The following DYNC2H1 variants were observed in gnomAD, a reference collection of about 807,000 sequenced individuals.
DYNC2H1 encodes cytoplasmic dynein 2 heavy chain 1.
Under a neutral mutation model 570.0 loss-of-function variants are expected in DYNC2H1, and 410 were observed. The ratio of observed to expected loss-of-function variants is 0.72; its 90% CI spans 0.66 to 0.78. The LOEUF is 0.78. Ranked by LOEUF, DYNC2H1 falls within the 30% of genes least tolerant of loss-of-function variation. DYNC2H1 has a pLI of 0.00. For missense variants in DYNC2H1, 4,865 were observed against 5,046.4 expected (o/e 0.96, Z 1.09); for synonymous variants, 1,688 against 1,677.6 (o/e 1.01, Z -0.15).
intron 83 of DYNC2H1, among the ~76,000 whole-genome samples, chr11:103,382,804 T>TA (rs1448390657): frequency 6.6e-6 from 1 of 152,214 alleles, no homozygotes; most frequent in South Asian, 2.1e-4. Flanking sequence ...CTTTTGATAA[T>TA]AAAAATTATG....
chr11:103,303,320 C>T, intron 76 of DYNC2H1, 67 bp downstream of exon 76: 2 of 1,522,474 alleles, frequency 1.3e-6, no homozygotes, highest in Non-Finnish European at 1.8e-6. Flanking sequence ...TGATATTGGT[C>T]AAATGGACAT....
intron 80 of DYNC2H1, among the ~76,000 whole-genome samples, chr11:103,318,254 A>G (rs989295166): frequency 2.0e-5 from 3 of 152,192 alleles, no homozygotes; most frequent in Non-Finnish European, 2.9e-5. Flanking sequence ...ACAGAACATT[A>G]TAAGTACCAC....
intron 75 of DYNC2H1, among the ~76,000 whole-genome samples, chr11:103,296,299 T>C (rs1457311847): frequency 6.6e-6 from 1 of 152,204 alleles, no homozygotes; most frequent in Non-Finnish European, 1.5e-5. Flanking sequence ...CCTTCTTAAC[T>C]GTTGAGTCTA....
intron 85 of DYNC2H1, among the ~76,000 whole-genome samples, chr11:103,445,156 A>G (rs1248271184): frequency 3.3e-5 from 5 of 152,354 alleles, no homozygotes; most frequent in African/African-American, 1.2e-4. Flanking sequence ...GCTTTCAAAT[A>G]TCTTGATGGA....
intron 20 of DYNC2H1, among the ~76,000 whole-genome samples, chr11:103,150,306 T>C (rs1177097537): frequency 5.9e-5 from 9 of 151,742 alleles, no homozygotes; most frequent in African/African-American, 2.2e-4. Context: ...AGGGAGACAA[T>C]AGTGGTGGAC....
intron 84 of DYNC2H1, among the ~76,000 whole-genome samples, chr11:103,409,085 A>T (rs1942982538): frequency 6.6e-6 from 1 of 152,042 alleles, no homozygotes; most frequent in Admixed American, 6.6e-5. Context: ...GCTGTTGAAC[A>T]TATGTCACTG....
chr11:103,156,703 C>T lies in DYNC2H1; in HGVS notation c.4060C>T (p.Pro1354Ser). ...TCAGAGAAAGTGGGTGTATTTGGAACCCATTTTCGGCCGTGGAGCATTGCC... is the reference window on the plus strand; with the variant it reads ...TCAGAGAAAGTGGGTGTATTTGGAATCCATTTTCGGCCGTGGAGCATTGCC... ...HIQRKWVYLEPIFGRGALPKE... is the reference protein window; with the variant it reads ...HIQRKWVYLESIFGRGALPKE... Residue 1354 changes from proline to serine, a missense_variant, in exon 26 of 89, where the codon CCC becomes TCC. This residue lies in a region of DYNC2H1 where 1,936 missense variants were observed against 1,962.1 expected (regional missense o/e 0.99). Transcript: ENST00000375735. The T allele has an allele frequency of 6.2e-7, 1 of 1,613,290 alleles. No individual in the cohort carries two copies. Among genetic ancestry groups the T allele is most frequent in the East Asian group, 2.2e-5 (1 of 44,856 alleles).
chr11:103,421,007 G>A (rs1943468439), intron 84 of DYNC2H1, among the ~76,000 whole-genome samples: 1 of 152,098 alleles, frequency 6.6e-6, no homozygotes, highest in African/African-American at 2.4e-5. Flanking sequence ...GACACACATA[G>A]GCTCAAAATA....
chr11:103,411,073 C>T (rs775701894), intron 84 of DYNC2H1, among the ~76,000 whole-genome samples: 25 of 151,940 alleles, frequency 1.6e-4, no homozygotes, highest in Non-Finnish European at 2.6e-4. Flanking sequence ...TTGTGCAAAC[C>T]CATCTAGACA....
Position 103,268,951 on chromosome 11 carries a change from T to G in DYNC2H1, c.10695+8974T>G, listed in dbSNP as rs879856748. ...TGTAATTTGGGAAGGATAAAATGAT[T>G]TAATATATTAGTGGACTATAGTGAC... On this transcript the variant is annotated intron_variant, in intron 70 of 88. Coordinates refer to ENST00000375735, the MANE Select transcript of DYNC2H1 (RefSeq NM_001377.3). This position sits in a 1 kb window ranked among gnomAD's most constrained non-coding sequence, Gnocchi z 4.6. Among the ~76,000 whole-genome samples, 5 of 152,082 alleles carry G rather than the reference T, an allele frequency of 3.3e-5. No individual in the cohort carries two copies. Among genetic ancestry groups the G allele is most frequent in the Non-Finnish European group, 5.9e-5 (4 of 67,940 alleles).
chr11:103,197,894 G>A (rs780390966), intron 47 of DYNC2H1, 39 bp from the exon 48 acceptor site: 3 of 1,548,846 alleles, frequency 1.9e-6, no homozygotes, highest in South Asian at 2.4e-5. Flanking sequence ...CTCATTACGA[G>A]TAATGCATAT....
chr11:103,168,190 G>A (rs1377364952), intron 31 of DYNC2H1, among the ~76,000 whole-genome samples: 1 of 152,104 alleles, frequency 6.6e-6, no homozygotes, highest in Non-Finnish European at 1.5e-5. Context: ...GGGACTTCTG[G>A]GTCCCAGCTG....
intron 75 of DYNC2H1, among the ~76,000 whole-genome samples, chr11:103,301,355 A>G (rs529102069): frequency 1.7e-4 from 26 of 152,056 alleles, no homozygotes; most frequent in African/African-American, 6.3e-4. Flanking sequence ...ATTACTGATC[A>G]AGGCCATGTA....
At chr11:103,269,414 G>A (rs374639041) in intron 70 of DYNC2H1, among the ~76,000 whole-genome samples, 5 of 152,260 alleles carry the variant, frequency 3.3e-5, no homozygotes, top group African/African-American at 4.8e-5. Flanking sequence ...AGCAGTCAGC[G>A]TAACATTAAA....
rs1308236760 is a variant in DYNC2H1, at chr11:103,188,644, A to G, written c.7288A>G (p.Ile2430Val). ...TACTTCCATCGTTCGTCTTTGTTCT[A>G]TAGAGTATGTATCTTTGTGTTTCAG... ...RFTSIVRLCS[I>V]DYPEREQLQT... Residue 2430 changes from isoleucine to valine, a missense_variant, in exon 44 of 89, where the codon ATA becomes GTA. Physicochemically the swap from Ile to Val is conservative, Grantham distance 29 (BLOSUM62 3). Coordinates refer to ENST00000375735, the MANE Select transcript of DYNC2H1 (RefSeq NM_001377.3). 3 of 1,595,360 alleles carry G rather than the reference A, an allele frequency of 1.9e-6. No homozygotes were observed. The highest frequency in any genetic ancestry group is 1.3e-5 in the African/African-American group (1 of 74,600).
chr11:103,329,668 G>A (rs1591586677), intron 82 of DYNC2H1, among the ~76,000 whole-genome samples: 1 of 150,224 alleles, frequency 6.7e-6, no homozygotes, highest in East Asian at 2.0e-4. Context: ...GTTATTCAAG[G>A]GTAGAGCATG....
rs777201237 is a variant in DYNC2H1 at position 103,143,410 on chromosome 11, T to C, written c.2702+15T>C. 6.3e-7 allele frequency: 1 copy of C among 1,599,218 alleles called. No homozygotes were observed. The highest frequency in any genetic ancestry group is 1.1e-5 in the South Asian group (1 of 87,836). On this transcript the variant is annotated intron_variant, in intron 18 of 88. Coordinates refer to ENST00000375735, the MANE Select transcript of DYNC2H1 (RefSeq NM_001377.3). Reference sequence around the variant, plus strand: ...CGACTTCCAAGGTATTGGAGGTTAATGTAGTACTTACGTACCATAATAATT... The same window carrying C: ...CGACTTCCAAGGTATTGGAGGTTAACGTAGTACTTACGTACCATAATAATT...
intron 12 of DYNC2H1, among the ~76,000 whole-genome samples, chr11:103,126,868 G>C (rs1336950289): frequency 6.6e-6 from 1 of 152,160 alleles, no homozygotes; most frequent in Non-Finnish European, 1.5e-5. Context: ...TCAATCTCCT[G>C]ACCTTGTGAT....
At position 103,145,332 on chromosome 11, in the gene DYNC2H1, T is replaced by C. The variant is rs1860185310; in HGVS notation, c.2702+1937T>C. 6.6e-6 allele frequency among the ~76,000 whole-genome samples: 1 copy of C among 152,240 alleles called. No individual in the cohort carries two copies. Among genetic ancestry groups the C allele is most frequent in the South Asian group, 2.1e-4 (1 of 4,834 alleles). On this transcript the variant is annotated intron_variant, in intron 18 of 88. Transcript: ENST00000375735. This position sits in a 1 kb window ranked among gnomAD's most constrained non-coding sequence, Gnocchi z 4.2. ...GTTTGAGCGTGGGTGATTTGGATACTGGTAGGACCATTAATATTAGTTTAA... is the reference window on the plus strand; with the variant it reads ...GTTTGAGCGTGGGTGATTTGGATACCGGTAGGACCATTAATATTAGTTTAA...
Sources: gnomAD v4.1 joint callset for allele counts (sites outside exome capture counted in the v4.1 genomes callset) on GRCh38, gnomAD v4.1.1 for gene constraint, gnomAD v4.1.1 regional missense constraint, Gnocchi (gnomAD v3.1) non-coding constraint, MANE v1.5 for transcripts, NCBI Gene and HGNC (gene_info 2026-07-23, HGNC 2026-07-21) for gene names.